Variants in RBMS3 observed in about 807,000 individuals in gnomAD.
RBMS3 encodes the protein RNA-binding motif, single-stranded-interacting protein 3.
Under a neutral mutation model 66.8 loss-of-function variants are expected in RBMS3, and 27 were observed. That is an observed-to-expected ratio of 0.40 (90% CI 0.30 to 0.56). RBMS3 has a LOEUF of 0.56. Among genes scored for constraint, RBMS3 ranks in the 20% least tolerant of loss-of-function variants. The pLI is 0.40. For synonymous variants in RBMS3, 188 were observed against 183.0 expected (o/e 1.03, Z -0.22); for missense variants, 513 against 549.5 (o/e 0.93, Z 0.66).
At chr3:29,392,305 A>G (rs1330171990) in intron 1 of RBMS3, among the ~76,000 whole-genome samples, 1 of 152,196 alleles carries the variant, frequency 6.6e-6, no homozygotes, top group Non-Finnish European at 1.5e-5. Context: ...TGCCAAATAT[A>G]TATAAAACAT....
intron 4 of RBMS3, among the ~76,000 whole-genome samples, chr3:29,727,810 G>C (rs945997075): frequency 7.9e-5 from 12 of 152,126 alleles, no homozygotes; most frequent in African/African-American, 2.9e-4. Context: ...GATTCCTCAA[G>C]GATCTAGAAC....
At chr3:29,526,724 C>T (rs987847916) in intron 3 of RBMS3, among the ~76,000 whole-genome samples, 3 of 151,814 alleles carry the variant, frequency 2.0e-5, no homozygotes, top group Non-Finnish European at 4.4e-5. Flanking sequence ...TACACTTAGT[C>T]TTTATTTCAT....
chr3:29,449,766 C>G (rs556981254), intron 2 of RBMS3, among the ~76,000 whole-genome samples: 2 of 152,272 alleles, frequency 1.3e-5, no homozygotes, highest in Non-Finnish European at 2.9e-5. Context: ...TAAATCGTAT[C>G]CCAACATACT....
rs1203771631 is a variant in RBMS3 at position 29,621,210 on chromosome 3, G to C, written c.399+34005G>C. Among the ~76,000 whole-genome samples, 4 of 150,408 alleles carry C rather than the reference G, an allele frequency of 2.7e-5. No individual in the cohort carries two copies. The South Asian group carries it at 8.4e-4, about 32-fold the overall frequency. On this transcript the variant is annotated intron_variant, in intron 4 of 14. Transcript: ENST00000383767. ...TTCTTTTTTTTTTTTGCTTTTATTGGGTGAAAGACAGCATAATAATTCTAT... is the reference window on the plus strand; with the variant it reads ...TTCTTTTTTTTTTTTGCTTTTATTGCGTGAAAGACAGCATAATAATTCTAT...
intron 3 of RBMS3, among the ~76,000 whole-genome samples, chr3:29,577,279 A>G (rs2047152796): frequency 6.6e-6 from 1 of 152,314 alleles, no homozygotes; most frequent in South Asian, 2.1e-4. Context: ...GGTATTCAAG[A>G]CACAAGGCTC....
intron 1 of RBMS3, among the ~76,000 whole-genome samples, chr3:29,361,749 T>G (rs2037603952): frequency 6.6e-6 from 1 of 152,214 alleles, no homozygotes; most frequent in African/African-American, 2.4e-5. Flanking sequence ...GCTTATTTCT[T>G]TTTATTCTTT....
intron 5 of RBMS3, among the ~76,000 whole-genome samples, chr3:29,744,763 G>A (rs1051868625): frequency 2.8e-5 from 4 of 144,968 alleles, no homozygotes; most frequent in Non-Finnish European, 4.5e-5. Context: ...CAGCCCGCAC[G>A]ATAGTGTAAG....
chr3:29,330,931 G>A (rs2035616267), intron 1 of RBMS3, among the ~76,000 whole-genome samples: 1 of 152,114 alleles, frequency 6.6e-6, no homozygotes, highest in Non-Finnish European at 1.5e-5. Context: ...GCAGACATAT[G>A]AATTTCACAG....
At chr3:29,614,974 C>T (rs944002890) in intron 4 of RBMS3, 6 of 152,190 alleles carry the variant, frequency 3.9e-5, no homozygotes, top group African/African-American at 1.4e-4. Flanking sequence ...AGAAGTTGCT[C>T]ATTTTCTACT....
chr3:29,691,831 C>T (rs2052021152), intron 4 of RBMS3, among the ~76,000 whole-genome samples: 1 of 151,948 alleles, frequency 6.6e-6, no homozygotes, highest in Non-Finnish European at 1.5e-5. Flanking sequence ...TGTCACATAA[C>T]AATGCGGATT....
intron 4 of RBMS3, among the ~76,000 whole-genome samples, chr3:29,719,522 G>C (rs1165848049): frequency 1.3e-5 from 2 of 152,084 alleles, no homozygotes; most frequent in Non-Finnish European, 2.9e-5. Flanking sequence ...GTTCCTGCAT[G>C]TTTATATTTA....
intron 12 of RBMS3, among the ~76,000 whole-genome samples, chr3:29,987,417 T>G (rs891861155): frequency 6.6e-6 from 1 of 152,184 alleles, no homozygotes; most frequent in Non-Finnish European, 1.5e-5. Context: ...CAACTTATCC[T>G]CAATACATAA....
intron 3 of RBMS3, among the ~76,000 whole-genome samples, chr3:29,501,076 A>G (rs2043949043): frequency 6.6e-6 from 1 of 152,162 alleles, no homozygotes; most frequent in African/African-American, 2.4e-5. Flanking sequence ...GGGAGTTGTC[A>G]GGTTCTTTGT....
intron 2 of RBMS3, among the ~76,000 whole-genome samples, chr3:29,439,714 C>T (rs1363057570): frequency 9.2e-5 from 14 of 152,016 alleles, no homozygotes; most frequent in Middle Eastern, 3.2e-3. Flanking sequence ...CCCATTAACT[C>T]GTCATTTAGC....
intron 6 of RBMS3, among the ~76,000 whole-genome samples, chr3:29,865,029 G>C (rs2059320615): frequency 7.8e-6 from 1 of 128,926 alleles, no homozygotes; most frequent in Non-Finnish European, 1.7e-5. Flanking sequence ...GGAAGGAGAA[G>C]GAGGGAGGGA....
chr3:29,960,145 ACTTC>A (rs1254730267), intron 12 of RBMS3, among the ~76,000 whole-genome samples: 3 of 152,240 alleles, frequency 2.0e-5, no homozygotes, highest in Non-Finnish European at 4.4e-5. Flanking sequence ...CAAGTTAGTT[ACTTC>A]CTAGATACAA....
intron 4 of RBMS3, among the ~76,000 whole-genome samples, chr3:29,688,558 T>C (rs1389694163): frequency 7.0e-6 from 1 of 143,372 alleles, no homozygotes; most frequent in African/African-American, 2.6e-5. Flanking sequence ...GCACAAAAGT[T>C]ACAGGATTTT....
intron 14 of RBMS3, among the ~76,000 whole-genome samples, chr3:29,993,625 A>G (rs1699024372): frequency 6.6e-6 from 1 of 152,198 alleles, no homozygotes; most frequent in African/African-American, 2.4e-5. Context: ...CCTCTCATGA[A>G]TGAAGAAGAA....
chr3:29,335,955 A>G (rs1321343256), intron 1 of RBMS3, among the ~76,000 whole-genome samples: 8 of 151,998 alleles, frequency 5.3e-5, no homozygotes, highest in Non-Finnish European at 1.2e-4. Context: ...ATTATAAAAT[A>G]TTCATGGCAA....
Sources: gnomAD v4.1 joint callset for allele counts (sites outside exome capture counted in the v4.1 genomes callset) on GRCh38, gnomAD v4.1.1 for gene constraint, MANE v1.5 for transcripts, NCBI Gene and HGNC (gene_info 2026-07-23, HGNC 2026-07-21) for gene names.